TENM2: variants seen among roughly 807,000 people sequenced by gnomAD.
The protein encoded by TENM2 is teneurin-2.
Under a neutral mutation model 245.2 loss-of-function variants are expected in TENM2, and 52 were observed. The ratio of observed to expected loss-of-function variants is 0.21; its 90% CI spans 0.17 to 0.27. The LOEUF (loss-of-function observed/expected upper bound fraction) is 0.27. Among genes scored for constraint, TENM2 ranks in the 10% least tolerant of loss-of-function variants. TENM2 has a pLI of 1.00. For missense variants in TENM2, 3,046 were observed against 3,666.8 expected (o/e 0.83, Z 4.37); for synonymous variants, 1,363 against 1,438.9 (o/e 0.95, Z 1.19).
At chr5:167,190,092 T>A in the TENM2 span, among the ~76,000 whole-genome samples, 1 of 152,036 alleles carries the variant, frequency 6.6e-6, no homozygotes, top group African/African-American at 2.4e-5. Flanking sequence ...TTTGTTTGAG[T>A]CCTCTTTGTC....
chr5:168,042,838 C>T (rs984918730), intron 5 of TENM2, among the ~76,000 whole-genome samples: 5 of 152,214 alleles, frequency 3.3e-5, no homozygotes, highest in African/African-American at 9.7e-5. Context: ...GAGGGATACT[C>T]TCAGAGTTTG....
At chr5:168,161,216 T>C (rs564939972) in intron 12 of TENM2, among the ~76,000 whole-genome samples, 1 of 152,272 alleles carries the variant, frequency 6.6e-6, no homozygotes, top group East Asian at 1.9e-4. Context: ...ACCTCCATCA[T>C]TACAAAGCTT....
intron 2 of TENM2, among the ~76,000 whole-genome samples, chr5:167,872,548 G>GAAAGAAAGAAAGAA (rs1313191288): frequency 6.1e-5 from 4 of 65,430 alleles, no homozygotes; most frequent in East Asian, 3.6e-4. Flanking sequence ...AAGAAAGAAA[G>GAAAGAAAGAAAGAA]AGAAAGAAAG....
chr5:167,030,846 C>G, the TENM2 span, among the ~76,000 whole-genome samples: 2 of 152,164 alleles, frequency 1.3e-5, no homozygotes, highest in Admixed American at 1.3e-4. Context: ...CTGTTATTTA[C>G]CACCTCTTCC....
rs142804283 is a variant in TENM2, at chr5:167,813,387, G to GCACACA, written c.503-62572_503-62567dup. Among the ~76,000 whole-genome samples the GCACACA allele has an allele frequency of 7.5e-3, 1,086 of 145,506 alleles. 10 individuals are homozygous for GCACACA. Among genetic ancestry groups the GCACACA allele is most frequent in the African/African-American group, 0.022 (902 of 40,122 alleles). On this transcript the variant is annotated intron_variant, in intron 2 of 28. Coordinates refer to ENST00000518659, the Ensembl canonical transcript of TENM2. ...TTTTGCTGAAGAGCTTACAAGTTCT[G>GCACACA]CACACACACACACACACACACACAC...
At chr5:167,931,712 T>C (rs1359179647) in intron 3 of TENM2, among the ~76,000 whole-genome samples, 1 of 152,228 alleles carries the variant, frequency 6.6e-6, no homozygotes, top group East Asian at 1.9e-4. Context: ...CGTTCATGTG[T>C]GTTGGGAAAT....
intron 2 of TENM2, among the ~76,000 whole-genome samples, chr5:167,790,887 T>G (rs1764909118): frequency 6.6e-6 from 1 of 152,198 alleles, no homozygotes; most frequent in Non-Finnish European, 1.5e-5. Flanking sequence ...GAATACAAAA[T>G]GTTTCTCTAT....
intron 24 of TENM2, 84 bp downstream of exon 26, chr5:168,226,347 C>T: frequency 1.5e-6 from 2 of 1,321,268 alleles, no homozygotes; most frequent in Non-Finnish European, 1.0e-6. Flanking sequence ...AGTTATGCAG[C>T]CTGGGAGGAC....
chr5:167,520,891 A>G (rs1024141624), intron 2 of TENM2, among the ~76,000 whole-genome samples: 12 of 149,140 alleles, frequency 8.0e-5, no homozygotes, highest in African/African-American at 2.2e-4. Context: ...CATATTCCCA[A>G]CATATTGGCT....
intron 12 of TENM2, among the ~76,000 whole-genome samples, chr5:168,161,394 T>A (rs977431387): frequency 3.1e-4 from 47 of 152,196 alleles, no homozygotes; most frequent in Non-Finnish European, 4.3e-4. Context: ...CTGGGGTATA[T>A]TTAAATTAAG....
At chr5:167,573,585 G>GTT (rs1774430488) in intron 2 of TENM2, among the ~76,000 whole-genome samples, 2 of 147,070 alleles carry the variant, frequency 1.4e-5, no homozygotes, top group African/African-American at 5.1e-5. Flanking sequence ...CTCGCTCATT[G>GTT]TTCTCTCTCT....
Position 167,398,101 on chromosome 5 carries a change from C to T in TENM2, c.502+22628C>T, listed in dbSNP as rs533429743. Among the ~76,000 whole-genome samples, 4 of 152,152 alleles carry T rather than the reference C, an allele frequency of 2.6e-5. No homozygotes were observed. In the South Asian group the frequency reaches 8.3e-4, roughly 32 times the overall value. ...GCTCTGCGACTAACTAGCTATATGGCCATTACTATTCCAAGGGCAACAGAC... is the reference window on the plus strand; with the variant it reads ...GCTCTGCGACTAACTAGCTATATGGTCATTACTATTCCAAGGGCAACAGAC... On this transcript the variant is annotated intron_variant, in intron 2 of 28. Transcript: ENST00000518659.
chr5:167,997,431 C>G (rs541174343), intron 5 of TENM2, among the ~76,000 whole-genome samples: 5 of 152,290 alleles, frequency 3.3e-5, no homozygotes, highest in Admixed American at 2.6e-4. Flanking sequence ...GAAACTATAG[C>G]CCCTCCGCAG....
At chr5:167,999,864 G>A (rs2152036829) in intron 5 of TENM2, among the ~76,000 whole-genome samples, 1 of 152,368 alleles carries the variant, frequency 6.6e-6, no homozygotes, top group South Asian at 2.1e-4. Flanking sequence ...CAGAGCCAGA[G>A]AGGAGTGATA....
At chr5:167,287,132 G>C (rs1435405368) in intron 1 of TENM2, among the ~76,000 whole-genome samples, 5 of 152,222 alleles carry the variant, frequency 3.3e-5, no homozygotes, top group Non-Finnish European at 7.3e-5. Context: ...TGAAAATGTA[G>C]TCAGAGTCTG....
intron 2 of TENM2, among the ~76,000 whole-genome samples, chr5:167,551,283 G>A (rs537957043): frequency 7.6e-4 from 115 of 152,230 alleles, no homozygotes; most frequent in African/African-American, 2.7e-3. Context: ...GAATGAAGCG[G>A]TGAACAAGAA....
In TENM2 at chr5:167,898,581, A is replaced by C. The variant is rs956015976; in HGVS notation, c.712+22386A>C. On this transcript the variant is annotated intron_variant, in intron 3 of 28. Coordinates refer to ENST00000518659, the Ensembl canonical transcript of TENM2. ...CCCAGATGCTCTTGAGAAAGAGTTC[A>C]TATGGAAGCAAGTGTAAGAGGAGCT... 2.0e-5 allele frequency among the ~76,000 whole-genome samples: 3 copies of C among 152,310 alleles called. No homozygotes were observed. In the East Asian group the frequency reaches 5.8e-4, roughly 29 times the overall value.
At chr5:167,342,132 C>T (rs1012164240) in intron 1 of TENM2, among the ~76,000 whole-genome samples, 1 of 152,140 alleles carries the variant, frequency 6.6e-6, no homozygotes, top group Non-Finnish European at 1.5e-5. Flanking sequence ...TTAACTAAAG[C>T]TCATACTTTA....
the TENM2 span, among the ~76,000 whole-genome samples, chr5:167,220,601 G>A: frequency 1.3e-5 from 2 of 152,136 alleles, no homozygotes; most frequent in Non-Finnish European, 2.9e-5. Context: ...TCTGCATCAC[G>A]TATAGGTGCA....
Sources: gnomAD v4.1 joint callset for allele counts (sites outside exome capture counted in the v4.1 genomes callset) on GRCh38, gnomAD v4.1.1 for gene constraint, MANE v1.5 for transcripts, NCBI Gene and HGNC (gene_info 2026-07-23, HGNC 2026-07-21) for gene names.